Variants in CSMD1 observed in about 807,000 individuals in gnomAD.
CSMD1 encodes the protein CUB and Sushi multiple domains 1.
Under a neutral mutation model 417.5 loss-of-function variants are expected in CSMD1, and 213 were observed. The ratio of observed to expected loss-of-function variants is 0.51; its 90% CI spans 0.46 to 0.57. The LOEUF (loss-of-function observed/expected upper bound fraction) is 0.57. Ranked by LOEUF, CSMD1 falls within the 20% of genes least tolerant of loss-of-function variation. The pLI is 0.00. For synonymous variants in CSMD1, 2,862 were observed against 1,736.8 expected, an observed-to-expected ratio of 1.65 and a Z score of -16.11; for missense variants, 6,923 against 4,529.7, an observed-to-expected ratio of 1.53 and a Z score of -15.17.
At chr8:3,625,059 A>G (rs926337566) in intron 7 of CSMD1, among the ~76,000 whole-genome samples, 1 of 142,180 alleles carries the variant, frequency 7.0e-6, no homozygotes, top group African/African-American at 2.5e-5. Flanking sequence ...AGACATTTCT[A>G]CATGCATAAC....
chr8:3,388,661 C>T (rs1392237364), intron 17 of CSMD1, among the ~76,000 whole-genome samples: 3 of 152,170 alleles, frequency 2.0e-5, no homozygotes, highest in Non-Finnish European at 2.9e-5. Flanking sequence ...GGCCCCAATA[C>T]TTTTTTCTTA....
chr8:3,862,722 T>G (rs1015559295), intron 5 of CSMD1, among the ~76,000 whole-genome samples: 10 of 152,072 alleles, frequency 6.6e-5, no homozygotes, highest in African/African-American at 2.2e-4. Context: ...AACAACTGAG[T>G]AAGGGAGGCT....
intron 12 of CSMD1, among the ~76,000 whole-genome samples, chr8:3,436,459 T>G (rs182170221): frequency 1.3e-5 from 2 of 152,306 alleles, no homozygotes; most frequent in African/African-American, 2.4e-5. Context: ...GCCCTCAAAA[T>G]AGTGCCTGGC....
At chr8:3,320,912 G>A (rs141566951) in intron 23 of CSMD1, among the ~76,000 whole-genome samples, 4 of 152,266 alleles carry the variant, frequency 2.6e-5, no homozygotes, top group East Asian at 1.9e-4. Context: ...CTCACTGACC[G>A]TAAAGCGTTC....
chr8:3,998,861 C>T (rs568341099), intron 4 of CSMD1, among the ~76,000 whole-genome samples: 161 of 149,844 alleles, frequency 1.1e-3, no homozygotes, highest in African/African-American at 3.7e-3. Context: ...GCATTTTAAA[C>T]TATATATAGT....
chr8:4,969,228 A>C (rs916497552), intron 1 of CSMD1, among the ~76,000 whole-genome samples: 1 of 152,156 alleles, frequency 6.6e-6, no homozygotes, highest in Non-Finnish European at 1.5e-5. Flanking sequence ...TTGTACAACA[A>C]ACCTAATGCT....
At chr8:4,820,179 T>G (rs1455368862) in intron 1 of CSMD1, among the ~76,000 whole-genome samples, 2 of 152,082 alleles carry the variant, frequency 1.3e-5, no homozygotes, top group Non-Finnish European at 2.9e-5. Flanking sequence ...CAAGCTGCAT[T>G]TAGGCAGCAT....
At chr8:4,018,811 C>T (rs1205059050) in intron 4 of CSMD1, among the ~76,000 whole-genome samples, 1 of 152,190 alleles carries the variant, frequency 6.6e-6, no homozygotes, top group African/African-American at 2.4e-5. Context: ...GCCTTCCCCA[C>T]ATACAGCGTG....
At chr8:3,303,337 T>G (rs948868976) in intron 25 of CSMD1, among the ~76,000 whole-genome samples, 10 of 152,150 alleles carry the variant, frequency 6.6e-5, no homozygotes, top group Admixed American at 6.5e-4. Flanking sequence ...CCAGTGCAAT[T>G]TCACTCTAAT....
chr8:4,768,023 G>A (rs943558327), intron 1 of CSMD1, among the ~76,000 whole-genome samples: 1 of 152,184 alleles, frequency 6.6e-6, no homozygotes, highest in African/African-American at 2.4e-5. Flanking sequence ...ACGTTCAACA[G>A]ACACATGCGT....
At chr8:4,114,572 T>G (rs1290117065) in intron 3 of CSMD1, among the ~76,000 whole-genome samples, 2 of 110,446 alleles carry the variant, frequency 1.8e-5, no homozygotes, top group South Asian at 3.1e-4. Context: ...AATGCATAAG[T>G]CTATAGCTTT....
At chr8:3,119,685 T>C (rs527756975) in intron 41 of CSMD1, among the ~76,000 whole-genome samples, 1 of 152,340 alleles carries the variant, frequency 6.6e-6, no homozygotes, top group South Asian at 2.1e-4. Flanking sequence ...CTCAATGCAG[T>C]AGAAGCCCTC....
At chr8:3,626,211 G>A (rs938506295) in intron 7 of CSMD1, among the ~76,000 whole-genome samples, 2 of 152,156 alleles carry the variant, frequency 1.3e-5, no homozygotes, top group African/African-American at 4.8e-5. Flanking sequence ...ACTGTCACCT[G>A]GGGAGAGCAC....
chr8:4,022,316 A>G (rs958762749), intron 4 of CSMD1, among the ~76,000 whole-genome samples: 5 of 152,022 alleles, frequency 3.3e-5, no homozygotes, highest in Non-Finnish European at 7.4e-5. Flanking sequence ...AGTATTATTT[A>G]GTGAACACCC....
intron 69 of CSMD1, among the ~76,000 whole-genome samples, chr8:2,940,214 A>T (rs1226670163): frequency 6.6e-6 from 1 of 152,178 alleles, no homozygotes; most frequent in Non-Finnish European, 1.5e-5. Flanking sequence ...AAATGGATTG[A>T]TGTGCTGCTG....
chr8:4,405,832 A>G (rs1346062779), intron 3 of CSMD1, among the ~76,000 whole-genome samples: 1 of 152,170 alleles, frequency 6.6e-6, no homozygotes, highest in East Asian at 1.9e-4. Flanking sequence ...CGTGCCTCCA[A>G]GACACAGCTT....
intron 3 of CSMD1, among the ~76,000 whole-genome samples, chr8:4,230,327 C>G (rs1360421481): frequency 6.6e-6 from 1 of 152,162 alleles, no homozygotes; most frequent in Non-Finnish European, 1.5e-5. Flanking sequence ...ATTAATCCAT[C>G]CATTGCATAA....
At chr8:4,949,987 A>G (rs75096153) in intron 1 of CSMD1, among the ~76,000 whole-genome samples, 6,131 of 152,194 alleles carry the variant, frequency 0.04, 162 homozygotes, top group Non-Finnish European at 0.06. Context: ...TTTTTTATCT[A>G]ATTGGTCACG....
At chr8:3,226,241 C>T (rs1297440147) in intron 27 of CSMD1, among the ~76,000 whole-genome samples, 1 of 152,138 alleles carries the variant, frequency 6.6e-6, no homozygotes, top group African/African-American at 2.4e-5. Context: ...AAAGCAATTG[C>T]AGGCTATATA....
Sources: gnomAD v4.1 joint callset for allele counts (sites outside exome capture counted in the v4.1 genomes callset) on GRCh38, gnomAD v4.1.1 for gene constraint, MANE v1.5 for transcripts, NCBI Gene and HGNC (gene_info 2026-07-23, HGNC 2026-07-21) for gene names.